Variants in INTS6L observed in about 807,000 individuals in gnomAD.
INTS6L encodes integrator complex subunit 6 like.
A neutral mutation model predicts 64.7 loss-of-function variants in INTS6L; 18 were observed. The observed-to-expected ratio is 0.28, with a 90% CI of 0.19 to 0.41. The LOEUF is 0.41. INTS6L is among the 10% of genes least tolerant of loss of function. The probability of loss-of-function intolerance (pLI) is 1.00; values close to 1 mark genes in which losing one functional copy is unlikely to be tolerated. For missense variants in INTS6L, 533 were observed against 661.0 expected, an observed-to-expected ratio of 0.81 and a Z score of 2.12; for synonymous variants, 227 against 235.9, an observed-to-expected ratio of 0.96 and a Z score of 0.34.
rs2086371499 is a variant in INTS6L, at chrX:135,546,901, A to G, written c.613+16A>G. 1 of 1,195,863 alleles carries G rather than the reference A, an allele frequency of 8.4e-7. No individual in the cohort carries two copies. The highest frequency in any genetic ancestry group is 1.1e-6 in the Non-Finnish European group (1 of 886,967). ...GTCACAGGAGGTATTGGCAATATTT[A>G]ATGTTTCTGAAGGAAAAATTCAGAG... On this transcript the variant is annotated intron_variant, in intron 5 of 17. Coordinates refer to ENST00000639893, the MANE Select transcript of INTS6L (RefSeq NM_001351601.3).
intron 2 of INTS6L, 42 bp downstream of exon 2, chrX:135,521,360 C>G (rs782336331): frequency 1.7e-6 from 2 of 1,155,238 alleles, no homozygotes; most frequent in Non-Finnish European, 2.3e-6. Context: ...GAAGCGGGAG[C>G]AAGTCGGCGG....
chrX:135,570,460 A>G lies in INTS6L; in HGVS notation c.1312A>G (p.Met438Val). Residue 438 changes from methionine (M) to valine (V), a missense_variant, in exon 11 of 18, where the codon ATG becomes GTG. Transcript: ENST00000639893. ...LLPLKKALRMMGAPNLISDNL... is the reference protein window; with the variant it reads ...LLPLKKALRMVGAPNLISDNL... ...GCCATTAAAGAAAGCACTAAGGATG[A>G]TGGGAGCTCCAAATCTGATATCAGA... 1 of 1,151,743 alleles carries G rather than the reference A, an allele frequency of 8.7e-7. No individual in the cohort carries two copies. Among genetic ancestry groups the G allele is most frequent in the Non-Finnish European group, 1.2e-6 (1 of 869,510 alleles). The allele number at this position is 1,151,743 out of a possible 1,213,427, so 94.9% of individuals were successfully genotyped here. A position where few individuals can be genotyped will look rare whatever the true frequency, so the allele number is the denominator to read the frequency against.
chrX:135,548,219 T>G (rs912695536), intron 6 of INTS6L, among the ~76,000 whole-genome samples: 6 of 110,936 alleles, frequency 5.4e-5, no homozygotes, highest in Non-Finnish European at 1.1e-4. Flanking sequence ...CTCCTGATCT[T>G]TTGTTGTTGT....
chrX:135,545,245 T>C (rs1009952772), intron 2 of INTS6L, among the ~76,000 whole-genome samples, 178 bp from the exon 3 acceptor site: 3 of 112,331 alleles, frequency 2.7e-5, no homozygotes, highest in Non-Finnish European at 5.6e-5. Context: ...TCATTAGAGC[T>C]AGCAGGTCTT....
At chrX:135,531,700 T>C (rs1438050977) in intron 2 of INTS6L, among the ~76,000 whole-genome samples, 1 of 111,930 alleles carries the variant, frequency 8.9e-6, no homozygotes, top group Non-Finnish European at 1.9e-5. Flanking sequence ...AAGTTGGTTT[T>C]ATCATATCAC....
rs1027763362 is a variant in INTS6L at position 135,557,793 on chromosome X, G to A, written c.1192+1493G>A. On this transcript the variant is annotated intron_variant, in intron 9 of 17. Coordinates refer to ENST00000639893, the MANE Select transcript of INTS6L (RefSeq NM_001351601.3). ...CTGCAAAGACAAAACTAGACACATG[G>A]GACTATATCAACCTTAAAAGCTTGT... 4.5e-5 allele frequency among the ~76,000 whole-genome samples: 5 copies of A among 111,633 alleles called. No homozygotes were observed. In the South Asian group the frequency reaches 1.9e-3, roughly 41 times the overall value.
At chrX:135,521,910 C>G (rs1211634049) in intron 2 of INTS6L, among the ~76,000 whole-genome samples, 3 of 109,373 alleles carry the variant, frequency 2.7e-5, no homozygotes, top group African/African-American at 1.0e-4. Flanking sequence ...TCCTCCTTCT[C>G]CCCCTCTTCC....
At chrX:135,550,822 A>G (rs1556516760) in intron 7 of INTS6L, among the ~76,000 whole-genome samples, 2 of 111,681 alleles carry the variant, frequency 1.8e-5, no homozygotes, top group African/African-American at 6.5e-5. Context: ...TACACCTGTG[A>G]AACCTCAGCC....
intron 6 of INTS6L, among the ~76,000 whole-genome samples, chrX:135,548,621 C>A (rs1032265510): frequency 2.7e-5 from 3 of 111,041 alleles, no homozygotes; most frequent in African/African-American, 9.8e-5. Flanking sequence ...AAGTTAAGAA[C>A]CCTTTCCTCA....
Position 135,581,030 on chromosome X carries a change from G to GT in INTS6L, c.2495-13dup. ...CATTCATCTTTATAAAAATACTGAA[G>GT]TTTTTTTAAATATCTTCAGAATATG... On this transcript the variant is annotated intron_variant, in intron 16 of 17. Coordinates refer to ENST00000639893, the MANE Select transcript of INTS6L (RefSeq NM_001351601.3). 2 of 1,084,580 alleles carry GT rather than the reference G, an allele frequency of 1.8e-6. No homozygotes were observed. Among genetic ancestry groups the GT allele is most frequent in the Non-Finnish European group, 1.2e-6 (1 of 819,506 alleles). The allele number at this position is 1,084,580 out of a possible 1,213,427, so 89.4% of individuals were successfully genotyped here.
chrX:135,551,143 G>A (rs1226103448), intron 7 of INTS6L, among the ~76,000 whole-genome samples: 1 of 112,137 alleles, frequency 8.9e-6, no homozygotes, highest in Non-Finnish European at 1.9e-5. Flanking sequence ...TATAAAGGAA[G>A]CAGTGATATT....
intron 9 of INTS6L, among the ~76,000 whole-genome samples, chrX:135,566,971 C>CTA (rs2086968455): frequency 8.9e-6 from 1 of 111,993 alleles, no homozygotes; most frequent in South Asian, 3.7e-4. Flanking sequence ...TGATGTGTAT[C>CTA]AGTCACTATG....
intron 15 of INTS6L, 65 bp from the exon 16 acceptor site, chrX:135,579,718 AGAGGG>A: frequency 9.1e-7 from 1 of 1,099,127 alleles, no homozygotes; most frequent in Non-Finnish European, 1.2e-6. Context: ...ATTGAGCATC[AGAGGG>A]ATATACCTGT....
At chrX:135,559,458 T>C (rs1457581589) in intron 9 of INTS6L, among the ~76,000 whole-genome samples, 1 of 112,510 alleles carries the variant, frequency 8.9e-6, no homozygotes, top group Non-Finnish European at 1.9e-5. Context: ...TTCAGGTTGT[T>C]GCAAGTATCA....
chrX:135,521,420 C>T, intron 2 of INTS6L, 102 bp downstream of exon 2: 4 of 838,431 alleles, frequency 4.8e-6, no homozygotes, highest in South Asian at 2.7e-5. Flanking sequence ...CGTCGCCCGG[C>T]GGGGCGGGCG....
intron 8 of INTS6L, among the ~76,000 whole-genome samples, chrX:135,553,861 A>G (rs1209641186): frequency 8.9e-6 from 1 of 112,123 alleles, no homozygotes; most frequent in Non-Finnish European, 1.9e-5. Context: ...CCTCTTTTCT[A>G]TATAGCACAT....
chrX:135,574,854 G>A (rs188990362), intron 13 of INTS6L, among the ~76,000 whole-genome samples: 13 of 112,232 alleles, frequency 1.2e-4, no homozygotes, highest in Non-Finnish European at 1.9e-5. Flanking sequence ...TTGAAGGCAA[G>A]GGAGTTGTTC....
chrX:135,520,697 C>A lies in INTS6L; in HGVS notation c.-296C>A. ...GCGCTCTAGTGAGCGCGGACGGATG[C>A]TTAGGCAGTAGTCCTGGCAGCGGCA... On this transcript the variant is annotated 5_prime_UTR_variant, in exon 1 of 18. Coordinates refer to ENST00000639893, the MANE Select transcript of INTS6L (RefSeq NM_001351601.3). 3.1e-6 allele frequency: 1 copy of A among 324,432 alleles called. No homozygotes were observed. The highest frequency in any genetic ancestry group is 5.4e-6 in the Non-Finnish European group (1 of 183,871). The allele number at this position is 324,432 out of a possible 1,213,427, so 26.7% of individuals were successfully genotyped here.
At chrX:135,581,223 T>G in intron 17 of INTS6L, 80 bp downstream of exon 17, 1 of 748,611 alleles carries the variant, frequency 1.3e-6, no homozygotes, top group Non-Finnish European at 1.9e-6. Context: ...AAGAGAGGAA[T>G]AGGCTCTGCC....
Sources: allele counts gnomAD v4.1 joint callset (sites outside exome capture counted in the v4.1 genomes callset), GRCh38; gene constraint gnomAD v4.1.1; transcripts MANE v1.5; gene names NCBI Gene and HGNC (gene_info 2026-07-23, HGNC 2026-07-21).